Variants in BCAS3 observed in about 807,000 individuals in gnomAD.
The protein encoded by BCAS3 is BCAS4/BCAS3 fusion.
In BCAS3, 53 loss-of-function variants were observed where a neutral mutation model predicts 116.1. The observed-to-expected ratio is 0.46, with a 90% CI of 0.37 to 0.57. The LOEUF (loss-of-function observed/expected upper bound fraction) is 0.57, where lower values mean the gene tolerates loss of function less well. Ranked by LOEUF, BCAS3 falls within the 20% of genes least tolerant of loss-of-function variation. BCAS3 has a pLI of 0.00. For missense variants in BCAS3, 917 were observed against 1,165.4 expected (o/e 0.79, Z 3.10); for synonymous variants, 391 against 408.2 (o/e 0.96, Z 0.51).
At chr17:60,977,814 C>T (rs1371564744) in intron 14 of BCAS3, among the ~76,000 whole-genome samples, 1 of 149,706 alleles carries the variant, frequency 6.7e-6, no homozygotes, top group Non-Finnish European at 1.5e-5. Context: ...ATCCATGTCC[C>T]TACAAAGGAC....
intron 12 of BCAS3, among the ~76,000 whole-genome samples, chr17:60,922,079 A>G (rs898583632): frequency 6.6e-6 from 1 of 152,172 alleles, no homozygotes; most frequent in Admixed American, 6.6e-5. Flanking sequence ...CTAACAACAC[A>G]GCCACTAAAA....
chr17:61,380,286 G>A lies in BCAS3; in HGVS notation c.2594-11691G>A. ...GTAGGAACTCAGGCAGCTGGACTGG[G>A]GAGGAGGGAGAGAGGGAAGGATGAT... On this transcript the variant is annotated intron_variant, in intron 23 of 23. Transcript: ENST00000407086. The surrounding 1 kb of genome is among the most constrained non-coding windows in gnomAD (Gnocchi z 4.2). The A allele has an allele frequency of 1.7e-6, 1 of 575,136 alleles. No homozygotes were observed. Among genetic ancestry groups the A allele is most frequent in the Non-Finnish European group, 3.1e-6 (1 of 320,126 alleles). The allele number at this position is 575,136 out of a possible 1,614,324, so 35.6% of individuals were successfully genotyped here.
chr17:61,064,055 C>G (rs1230511994), intron 19 of BCAS3, among the ~76,000 whole-genome samples: 1 of 152,148 alleles, frequency 6.6e-6, no homozygotes, highest in Non-Finnish European at 1.5e-5. Context: ...TTGAAGACCC[C>G]TCCTAAACTC....
intron 22 of BCAS3, among the ~76,000 whole-genome samples, chr17:61,240,531 G>A (rs1046812898): frequency 2.6e-5 from 4 of 152,176 alleles, no homozygotes; most frequent in African/African-American, 7.2e-5. Flanking sequence ...GCGCACGCCT[G>A]TAATCCCAGC....
intron 22 of BCAS3, among the ~76,000 whole-genome samples, chr17:61,090,758 A>G (rs1263461277): frequency 6.6e-6 from 1 of 152,052 alleles, no homozygotes; most frequent in Non-Finnish European, 1.5e-5. Flanking sequence ...CTCGGGTTCA[A>G]GCGATTCTCC....
At chr17:60,692,806 A>AATTGTTTGAACCCAGGAGGTGGAGG (rs1555661340) in intron 4 of BCAS3, among the ~76,000 whole-genome samples, 1 of 148,412 alleles carries the variant, frequency 6.7e-6, no homozygotes, top group Non-Finnish European at 1.5e-5. Flanking sequence ...TGAGGAGGAG[A>AATTGTTTGAACCCAGGAGGTGGAGG]ATCGTTTGAA....
chr17:60,824,996 T>C (rs1212006322), intron 7 of BCAS3, among the ~76,000 whole-genome samples: 1 of 152,038 alleles, frequency 6.6e-6, no homozygotes, highest in Non-Finnish European at 1.5e-5. Flanking sequence ...TGAAACCCTG[T>C]CTCTACAAAA....
intron 7 of BCAS3, among the ~76,000 whole-genome samples, chr17:60,866,789 T>C (rs2054632761): frequency 1.3e-5 from 2 of 152,152 alleles, no homozygotes; most frequent in Non-Finnish European, 2.9e-5. Context: ...TGTTCCTTCT[T>C]TATTACTTTT....
intron 15 of BCAS3, among the ~76,000 whole-genome samples, chr17:61,006,685 A>G (rs1190349878): frequency 6.6e-6 from 1 of 151,910 alleles, no homozygotes; most frequent in Non-Finnish European, 1.5e-5. Flanking sequence ...TTAGGCTAAA[A>G]CTCCACTTTT....
chr17:61,303,237 G>A (rs1195588238), intron 22 of BCAS3, among the ~76,000 whole-genome samples: 1 of 152,204 alleles, frequency 6.6e-6, no homozygotes, highest in African/African-American at 2.4e-5. Context: ...ACTGCTGCAG[G>A]AGGCCCAGTC....
chr17:60,772,182 AGT>A (rs1255752877), intron 6 of BCAS3, among the ~76,000 whole-genome samples: 1 of 152,196 alleles, frequency 6.6e-6, no homozygotes, highest in Non-Finnish European at 1.5e-5. Flanking sequence ...ACAGTGTAAA[AGT>A]GTTCCTATTT....
intron 10 of BCAS3, among the ~76,000 whole-genome samples, chr17:60,895,484 A>G (rs1251239114): frequency 1.3e-5 from 2 of 150,956 alleles, no homozygotes; most frequent in Non-Finnish European, 3.0e-5. Flanking sequence ...AATTTTGTTT[A>G]TCTTTTTGAA....
At chr17:60,984,000 A>C (rs1444813394) in intron 14 of BCAS3, among the ~76,000 whole-genome samples, 1 of 152,228 alleles carries the variant, frequency 6.6e-6, no homozygotes, top group Non-Finnish European at 1.5e-5. Context: ...AGTTAAGCTG[A>C]ACATAATCGT....
intron 20 of BCAS3, 55 bp downstream of exon 20, chr17:61,075,075 T>G: frequency 7.2e-7 from 1 of 1,386,316 alleles, no homozygotes; most frequent in Non-Finnish European, 1.0e-6. Context: ...AAATTTACTG[T>G]TTTTATTCTT....
intron 22 of BCAS3, among the ~76,000 whole-genome samples, chr17:61,212,073 G>A (rs1247477572): frequency 2.6e-5 from 4 of 152,140 alleles, no homozygotes; most frequent in Non-Finnish European, 5.9e-5. Context: ...ACTGGTACAC[G>A]ATTGTTTTCT....
At chr17:61,100,989 G>A (rs535251466) in intron 22 of BCAS3, among the ~76,000 whole-genome samples, 10 of 152,056 alleles carry the variant, frequency 6.6e-5, no homozygotes, top group Admixed American at 2.0e-4. Context: ...ATTTTTTCCC[G>A]GACCTTGAAC....
intron 22 of BCAS3, among the ~76,000 whole-genome samples, chr17:61,263,416 G>A (rs1470699356): frequency 6.6e-6 from 1 of 152,222 alleles, no homozygotes; most frequent in African/African-American, 2.4e-5. Context: ...ACCTTGACCT[G>A]TTCCTCCTTT....
At chr17:60,728,302 T>A (rs896411613) in intron 5 of BCAS3, among the ~76,000 whole-genome samples, 1 of 152,100 alleles carries the variant, frequency 6.6e-6, no homozygotes, top group Non-Finnish European at 1.5e-5. Context: ...CTTTTCCATG[T>A]AGTTGGAATC....
chr17:61,105,716 T>C lies in BCAS3; in HGVS notation c.2425+21152T>C, dbSNP rs2074603675. ...TGCTGGGATTACAGGTGTGAGCCAC[T>C]GTGCCCGGCCTAAACCCACAGAATT... is the stretch of plus-strand genomic sequence containing the variant. On this transcript the variant is annotated intron_variant, in intron 22 of 23. Transcript: ENST00000407086. The surrounding 1 kb of genome is among the most constrained non-coding windows in gnomAD (Gnocchi z 4.3). 6.6e-6 allele frequency among the ~76,000 whole-genome samples: 1 copy of C among 152,124 alleles called. No homozygotes were observed. Among genetic ancestry groups the C allele is most frequent in the South Asian group, 2.1e-4 (1 of 4,818 alleles).
Sources: allele counts gnomAD v4.1 joint callset (sites outside exome capture counted in the v4.1 genomes callset), GRCh38; gene constraint gnomAD v4.1.1; non-coding constraint Gnocchi (gnomAD v3.1); transcripts MANE v1.5; gene names NCBI Gene and HGNC (gene_info 2026-07-23, HGNC 2026-07-21).